The following COP1 variants were observed in gnomAD, a reference collection of about 807,000 sequenced individuals.
The protein encoded by COP1 is COP1 E3 ubiquitin ligase.
A neutral mutation model predicts 101.3 loss-of-function variants in COP1; 24 were observed. The observed-to-expected ratio is 0.24, with a 90% CI of 0.17 to 0.33. The LOEUF (loss-of-function observed/expected upper bound fraction) is 0.33. Ranked by LOEUF, COP1 falls within the 10% of genes least tolerant of loss-of-function variation. COP1 has a pLI of 1.00. For missense variants in COP1, 663 were observed against 906.2 expected, an observed-to-expected ratio of 0.73 and a Z score of 3.45; for synonymous variants, 347 against 341.9, an observed-to-expected ratio of 1.01 and a Z score of -0.17.
intron 11 of COP1, among the ~76,000 whole-genome samples, chr1:176,072,501 T>C (rs1365882348): frequency 6.6e-6 from 1 of 152,204 alleles, no homozygotes; most frequent in African/African-American, 2.4e-5. Context: ...CCCATTCATC[T>C]CATTTCTCAA....
At chr1:176,115,126 C>G (rs1685957456) in intron 9 of COP1, among the ~76,000 whole-genome samples, 1 of 152,150 alleles carries the variant, frequency 6.6e-6, no homozygotes, top group Non-Finnish European at 1.5e-5. Context: ...TAATTTTTCT[C>G]TAAGTCAAAA....
At chr1:176,047,280 A>G (rs1671688231) in intron 11 of COP1, among the ~76,000 whole-genome samples, 1 of 152,186 alleles carries the variant, frequency 6.6e-6, no homozygotes, top group Non-Finnish European at 1.5e-5. Flanking sequence ...TCACTTACTA[A>G]AACATTTTGC....
At chr1:176,077,986 G>T (rs1019597166) in intron 11 of COP1, among the ~76,000 whole-genome samples, 3 of 152,138 alleles carry the variant, frequency 2.0e-5, no homozygotes, top group Admixed American at 6.5e-5. Context: ...CCTGCTGAAA[G>T]AAATCGAAGA....
At chr1:176,098,331 T>C (rs1236752548) in intron 9 of COP1, among the ~76,000 whole-genome samples, 1 of 152,228 alleles carries the variant, frequency 6.6e-6, no homozygotes, top group Admixed American at 6.5e-5. Flanking sequence ...TAGATTTACA[T>C]GTGAGGTGTG....
At chr1:176,115,940 A>G (rs566973952) in intron 9 of COP1, among the ~76,000 whole-genome samples, 14 of 152,240 alleles carry the variant, frequency 9.2e-5, no homozygotes, top group African/African-American at 3.1e-4. Flanking sequence ...TTCCATGGAA[A>G]AGCTGTTAAG....
At position 176,145,270 on chromosome 1, in the gene COP1, T is replaced by A. The variant is rs140802601; in HGVS notation, c.831+3736A>T. Reference sequence around the variant, plus strand: ...TAGGTGCTCAACCTCATAAGTCATCTGGAAAATGCAAATTACAACCATATA... The same window carrying A: ...TAGGTGCTCAACCTCATAAGTCATCAGGAAAATGCAAATTACAACCATATA... On this transcript the variant is annotated intron_variant, in intron 6 of 19. Transcript: ENST00000367669. 2.6e-3 allele frequency among the ~76,000 whole-genome samples: 399 copies of A among 152,256 alleles called. 3 individuals carry two copies. Among genetic ancestry groups the A allele is most frequent in the African/African-American group, 9.2e-3 (381 of 41,574 alleles).
intron 6 of COP1, among the ~76,000 whole-genome samples, chr1:176,145,495 C>A (rs1371845024): frequency 6.6e-6 from 1 of 152,108 alleles, no homozygotes; most frequent in African/African-American, 2.4e-5. Flanking sequence ...CTCATCAATT[C>A]CACTTCTAAA....
Position 176,027,516 on chromosome 1 carries a change from C to G in COP1, c.1729+56G>C. 6 of 1,016,684 alleles carry G rather than the reference C, an allele frequency of 5.9e-6. No individual in the cohort carries two copies. In the South Asian group the frequency reaches 6.3e-5, roughly 11 times the overall value. 63.0% of individuals were successfully genotyped at this position (1,016,684 alleles called of 1,614,324 possible). On this transcript the variant is annotated intron_variant, in intron 15 of 19. Coordinates refer to ENST00000367669, the MANE Select transcript of COP1 (RefSeq NM_022457.7). The stretch of plus-strand genomic sequence containing the variant: ...ATTTGTTTTAAAATGCTCTCCTATC[C>G]TTACCATGATATTTAACCAACATCA...
At chr1:176,027,394 A>G (rs1667860965) in intron 15 of COP1, among the ~76,000 whole-genome samples, 178 bp downstream of exon 15, 1 of 152,222 alleles carries the variant, frequency 6.6e-6, no homozygotes, top group Non-Finnish European at 1.5e-5. Flanking sequence ...AGAATAGTGC[A>G]ATTAAGGTAC....
In COP1 at chr1:176,116,664, G is replaced by A. The variant is rs1686233775; in HGVS notation, c.986C>T (p.Thr329Ile). The change falls in exon 9 of 20, where the codon ACA becomes ATA. Residue 329 changes from threonine (T) to isoleucine (I), a missense_variant. Transcript: ENST00000367669. Reference sequence around the variant, plus strand: ...GAAACCTGGAGGTTGGCTGTATTCTGTGGAATCAATAATACTACTGCAAAA... The same window carrying A: ...GAAACCTGGAGGTTGGCTGTATTCTATGGAATCAATAATACTACTGCAAAA... ...SPSHSSIIDS[T>I]EYSQPPGFSG... 1 of 1,610,456 alleles carries A rather than the reference G, an allele frequency of 6.2e-7. No homozygotes were observed. The highest frequency in any genetic ancestry group is 1.1e-5 in the South Asian group (1 of 90,568).
intron 11 of COP1, among the ~76,000 whole-genome samples, chr1:176,051,425 G>C (rs1672535062): frequency 6.6e-6 from 1 of 152,178 alleles, no homozygotes; most frequent in Admixed American, 6.5e-5. Flanking sequence ...GGAGAAGATG[G>C]TGTGAACAAA....
chr1:175,994,891 A>T (rs1012411689), intron 15 of COP1, among the ~76,000 whole-genome samples: 22 of 152,208 alleles, frequency 1.4e-4, no homozygotes, highest in Non-Finnish European at 2.6e-4. Context: ...TGCACCAAGC[A>T]GACTTAATGG....
At chr1:175,989,607 C>A in intron 15 of COP1, 128 bp from the exon 16 acceptor site, 1 of 566,882 alleles carries the variant, frequency 1.8e-6, no homozygotes, top group South Asian at 2.4e-5. Context: ...AGCCAGAAAA[C>A]AAAGGAAAAG....
chr1:175,986,221 G>A (rs1008761564), intron 18 of COP1, among the ~76,000 whole-genome samples: 5 of 151,996 alleles, frequency 3.3e-5, no homozygotes, highest in Admixed American at 6.6e-5. Flanking sequence ...GGGTTTCACC[G>A]TGTTAGCCAG....
At chr1:176,111,108 C>A (rs560176999) in intron 9 of COP1, among the ~76,000 whole-genome samples, 1 of 151,858 alleles carries the variant, frequency 6.6e-6, no homozygotes, top group Non-Finnish European at 1.5e-5. Context: ...GCTGAGATGG[C>A]GCCACTGCAC....
chr1:175,993,553 G>A (rs1040274378), intron 15 of COP1, among the ~76,000 whole-genome samples: 6 of 152,304 alleles, frequency 3.9e-5, no homozygotes, highest in African/African-American at 1.2e-4. Context: ...GCTTAAAGGA[G>A]CTGATGGAGC....
chr1:176,007,873 C>G (rs1299852271), intron 15 of COP1, among the ~76,000 whole-genome samples: 2 of 152,238 alleles, frequency 1.3e-5, no homozygotes, highest in East Asian at 3.9e-4. Flanking sequence ...GGGCTCCACC[C>G]AGTTCCAGCT....
At position 176,206,749 on chromosome 1, in the gene COP1, C is replaced by T; in HGVS notation, c.230G>A (p.Ser77Asn). The change falls in exon 1 of 20, where the codon AGC becomes AAC. Residue 77 changes from serine (S) to asparagine (N), a missense_variant. Ser to Asn is a conservative substitution (Grantham distance 46). Transcript: ENST00000367669. Reference protein sequence around the residue: ...PVLVAPAVSGSGGGAVSTGLS... With the variant: ...PVLVAPAVSGNGGGAVSTGLS... ...GCCCGTGGACACCGCCCCGCCGCCG[C>T]TACCCGATACGGCGGGCGCCACCAA... The T allele has an allele frequency of 5.9e-6, 9 of 1,534,478 alleles. No homozygotes were observed. Among genetic ancestry groups the T allele is most frequent in the Non-Finnish European group, 7.8e-6 (9 of 1,148,608 alleles).
At chr1:176,199,530 C>A (rs1040536482) in intron 1 of COP1, among the ~76,000 whole-genome samples, 1 of 152,010 alleles carries the variant, frequency 6.6e-6, no homozygotes, top group African/African-American at 2.4e-5. Flanking sequence ...AGTCAAAAAT[C>A]TTTTAACTAG....
Sources: gnomAD v4.1 joint callset for allele counts (sites outside exome capture counted in the v4.1 genomes callset) on GRCh38, gnomAD v4.1.1 for gene constraint, MANE v1.5 for transcripts, NCBI Gene and HGNC (gene_info 2026-07-23, HGNC 2026-07-21) for gene names.